NMNAT3: variants seen among roughly 807,000 people sequenced by gnomAD.
The protein encoded by NMNAT3 is nicotinamide nucleotide adenylyltransferase 3.
Under a neutral mutation model 24.8 loss-of-function variants are expected in NMNAT3, and 21 were observed. That is an observed-to-expected ratio of 0.85 (90% confidence interval 0.60 to 1.22). The LOEUF (loss-of-function observed/expected upper bound fraction) is 1.22, where lower values mean the gene tolerates loss of function less well. NMNAT3 is among the 50% of genes most tolerant of loss of function. The pLI, the probability that NMNAT3 is intolerant of heterozygous loss-of-function variation, is 0.00. For synonymous variants in NMNAT3, 136 were observed against 155.2 expected (o/e 0.88, Z 0.92); for missense variants, 387 against 436.6 (o/e 0.89, Z 1.01).
At chr3:139,568,278 C>T (rs1159826197) in intron 6 of NMNAT3, 2 of 151,956 alleles carry the variant, frequency 1.3e-5, no homozygotes, top group Non-Finnish European at 2.9e-5. Context: ...TTTGTTGATC[C>T]TTTCAAAAAA....
intron 3 of NMNAT3, among the ~76,000 whole-genome samples, chr3:139,593,688 G>T (rs1445448599): frequency 1.3e-5 from 2 of 149,704 alleles, no homozygotes; most frequent in Non-Finnish European, 3.0e-5. Flanking sequence ...CATGGAAACT[G>T]AACAACCTGC....
rs371289673 is a variant in NMNAT3, at chr3:139,622,635, T to G, written c.109+4981A>C. ...CTGTAGTCTCAGCTACTCGGGAGAC[T>G]GAGACAGGAGAATCGCTTGAACATG... On this transcript the variant is annotated intron_variant, in intron 3 of 6. Coordinates refer to ENST00000643695, the MANE Select transcript of NMNAT3 (RefSeq NM_001320510.2). Among the ~76,000 whole-genome samples the G allele has an allele frequency of 2.0e-5, 3 of 150,894 alleles. No individual in the cohort carries two copies. In the East Asian group the frequency reaches 5.9e-4, roughly 30 times the overall value.
At chr3:139,561,688 C>T (rs771846671) in intron 6 of NMNAT3, among the ~76,000 whole-genome samples, 5 of 152,016 alleles carry the variant, frequency 3.3e-5, no homozygotes, top group Non-Finnish European at 5.9e-5. Context: ...TTGCTTTGGA[C>T]CAAGGCAGAG....
intron 1 of NMNAT3, among the ~76,000 whole-genome samples, chr3:139,671,987 CAT>C (rs1045314722): frequency 4.6e-5 from 7 of 152,326 alleles, no homozygotes; most frequent in African/African-American, 1.7e-4. Flanking sequence ...GTTTGCATCA[CAT>C]GTTTTCATCA....
intron 1 of NMNAT3, among the ~76,000 whole-genome samples, chr3:139,675,551 T>C (rs542468338): frequency 1.3e-5 from 2 of 152,284 alleles, no homozygotes; most frequent in East Asian, 3.9e-4. Flanking sequence ...AGGCCCTTTA[T>C]CATGCAGAAC....
rs1488763354 is a variant in NMNAT3, at chr3:139,577,066, G to T, written c.575+1806C>A. Reference sequence around the variant, plus strand: ...AGCTTAATTAATAAACTTGGCAGCTGAAGTGGTGGGCTAGCCATGTATTGG... The same window carrying T: ...AGCTTAATTAATAAACTTGGCAGCTTAAGTGGTGGGCTAGCCATGTATTGG... On this transcript the variant is annotated intron_variant, in intron 5 of 6. Coordinates refer to ENST00000643695, the MANE Select transcript of NMNAT3 (RefSeq NM_001320510.2). 2.6e-5 allele frequency among the ~76,000 whole-genome samples: 4 copies of T among 151,838 alleles called. No individual in the cohort carries two copies. The East Asian group carries it at 7.8e-4, about 29-fold the overall frequency.
Position 139,676,198 on chromosome 3 carries a change from C to A in NMNAT3, c.-141+1507G>T, listed in dbSNP as rs573944234. 3.3e-5 allele frequency among the ~76,000 whole-genome samples: 5 copies of A among 152,314 alleles called. No individual in the cohort carries two copies. The East Asian group carries it at 9.6e-4, about 29-fold the overall frequency. On this transcript the variant is annotated intron_variant, in intron 1 of 6. Coordinates refer to ENST00000643695, the MANE Select transcript of NMNAT3 (RefSeq NM_001320510.2). The stretch of plus-strand genomic sequence containing the variant: ...CATCTGGGTTCCCCTACTCTCTGGG[C>A]CTCTCAGTTGGTTTTCATGGAGCAC...
At chr3:139,671,228 T>C (rs1478131765) in intron 1 of NMNAT3, among the ~76,000 whole-genome samples, 1 of 152,244 alleles carries the variant, frequency 6.6e-6, no homozygotes, top group South Asian at 2.1e-4. Flanking sequence ...CCTTGAAGAC[T>C]GTTTTCCTAA....
chr3:139,601,111 C>G (rs1174488016), intron 3 of NMNAT3, among the ~76,000 whole-genome samples: 1 of 152,168 alleles, frequency 6.6e-6, no homozygotes, highest in African/African-American at 2.4e-5. Context: ...GCAGTTCTGG[C>G]TGGGCATAAA....
chr3:139,653,291 G>A (rs1261673894), intron 1 of NMNAT3, among the ~76,000 whole-genome samples: 1 of 151,944 alleles, frequency 6.6e-6, no homozygotes, highest in African/African-American at 2.4e-5. Context: ...ACCTCTCAAT[G>A]TGCCATGGAA....
chr3:139,653,842 G>A (rs1409908446), intron 1 of NMNAT3, among the ~76,000 whole-genome samples: 1 of 152,164 alleles, frequency 6.6e-6, no homozygotes, highest in Non-Finnish European at 1.5e-5. Flanking sequence ...TCGAACCTGG[G>A]GCGTGGCAGC....
rs1199673560 is a variant in NMNAT3, at chr3:139,560,488, T to C, written c.*522A>G. On this transcript the variant is annotated 3_prime_UTR_variant, in exon 7 of 7. Transcript: ENST00000643695. ...GGCAAGATCCAGTGTAAATCAGCAA[T>C]GTGCTGTTTCCAACTGTTTGACTCC... The C allele has an allele frequency of 6.5e-6, 1 of 153,166 alleles. No individual in the cohort carries two copies. Among genetic ancestry groups the C allele is most frequent in the African/African-American group, 2.4e-5 (1 of 41,476 alleles). The allele number at this position is 153,166 out of a possible 1,614,324, so 9.5% of individuals were successfully genotyped here.
At chr3:139,581,030 A>T (rs1379794117) in intron 4 of NMNAT3, among the ~76,000 whole-genome samples, 1 of 152,220 alleles carries the variant, frequency 6.6e-6, no homozygotes, top group South Asian at 2.1e-4. Context: ...TATAAACTAG[A>T]CATAGACAAC....
chr3:139,645,710 A>G (rs1388112061), intron 1 of NMNAT3, among the ~76,000 whole-genome samples: 1 of 152,174 alleles, frequency 6.6e-6, no homozygotes, highest in Admixed American at 6.5e-5. Flanking sequence ...TGGCCAGAAC[A>G]CTGTAACAAG....
chr3:139,663,209 G>A (rs2057472430), intron 1 of NMNAT3, among the ~76,000 whole-genome samples: 1 of 152,178 alleles, frequency 6.6e-6, no homozygotes, highest in Non-Finnish European at 1.5e-5. Flanking sequence ...TTCCAAGCCA[G>A]CAATGGGCAG....
intron 4 of NMNAT3, among the ~76,000 whole-genome samples, chr3:139,581,345 T>G (rs1402833620): frequency 2.0e-5 from 3 of 151,604 alleles, no homozygotes; most frequent in African/African-American, 7.3e-5. Flanking sequence ...ATAATGGTAC[T>G]GTATTTATTA....
At chr3:139,660,180 C>T (rs985474432) in intron 1 of NMNAT3, among the ~76,000 whole-genome samples, 6 of 152,256 alleles carry the variant, frequency 3.9e-5, no homozygotes, top group South Asian at 4.2e-4. Context: ...CAGGGTGGGT[C>T]GGTGCCAAGC....
At chr3:139,656,235 C>T (rs961507882) in intron 1 of NMNAT3, among the ~76,000 whole-genome samples, 1 of 152,166 alleles carries the variant, frequency 6.6e-6, no homozygotes, top group Non-Finnish European at 1.5e-5. Flanking sequence ...GAGTTGCAGA[C>T]CTATTGGCAG....
intron 2 of NMNAT3, among the ~76,000 whole-genome samples, chr3:139,633,267 G>A (rs1488158140): frequency 6.6e-6 from 1 of 151,156 alleles, no homozygotes; most frequent in Non-Finnish European, 1.5e-5. Flanking sequence ...CGCAGCCTCT[G>A]CCTCCCAGGT....
Sources: gnomAD v4.1 joint callset for allele counts (sites outside exome capture counted in the v4.1 genomes callset) on GRCh38, gnomAD v4.1.1 for gene constraint, MANE v1.5 for transcripts, NCBI Gene and HGNC (gene_info 2026-07-23, HGNC 2026-07-21) for gene names.